FBLN1: variants seen among roughly 807,000 people sequenced by gnomAD.
FBLN1 encodes fibulin-1.
A neutral mutation model predicts 89.7 loss-of-function variants in FBLN1; 34 were observed. That is an observed-to-expected ratio of 0.38 (90% confidence interval 0.29 to 0.50). The LOEUF is 0.50. Ranked by LOEUF, FBLN1 falls within the 20% of genes least tolerant of loss-of-function variation. FBLN1 has a pLI of 0.92. For missense variants in FBLN1, 777 were observed against 988.1 expected, an observed-to-expected ratio of 0.79 and a Z score of 2.86; for synonymous variants, 393 against 391.3, an observed-to-expected ratio of 1.00 and a Z score of -0.05.
chr22:45,579,282 G>A lies in FBLN1; in HGVS notation c.1972+2174G>A, dbSNP rs948069817. 3.3e-5 allele frequency among the ~76,000 whole-genome samples: 5 copies of A among 152,256 alleles called. No individual in the cohort carries two copies. Among genetic ancestry groups the A allele is most frequent in the Non-Finnish European group, 5.9e-5 (4 of 68,034 alleles). ...CTAGAGACCATCCCTTCCTTCTTCC[G>A]TAGGAGGGGAAACTGAGGCCCGGAA... On this transcript the variant is annotated intron_variant, in intron 16 of 16. Transcript: ENST00000327858. The surrounding 1 kb of genome is among the most constrained non-coding windows in gnomAD (Gnocchi z 5.5).
intron 2 of FBLN1, among the ~76,000 whole-genome samples, chr22:45,522,564 G>A (rs2088265698): frequency 6.6e-6 from 1 of 152,174 alleles, no homozygotes; most frequent in African/African-American, 2.4e-5. Context: ...CGCAACCATG[G>A]GCTGTAGCCA....
rs556920568 is a variant in FBLN1, at chr22:45,581,213, G to C, written c.1972+4105G>C. 5.3e-5 allele frequency among the ~76,000 whole-genome samples: 8 copies of C among 152,138 alleles called. No individual in the cohort carries two copies. Among genetic ancestry groups the C allele is most frequent in the Non-Finnish European group, 8.8e-5 (6 of 68,018 alleles). On this transcript the variant is annotated intron_variant, in intron 16 of 16. Transcript: ENST00000327858. The surrounding 1 kb of genome is among the most constrained non-coding windows in gnomAD (Gnocchi z 7.6). ...GAAGAGAGAGACAGAAAGGCAACTC[G>C]AGGCCACCCGGGCTCCCCGGGCCCC...
In FBLN1 at chr22:45,531,587, G is replaced by A. The variant is rs185530378; in HGVS notation, c.544+263G>A. ...CTCGGTGCTGATCTCACTGGAAGTTGGAATCCAGGTTTTGCTTTGGTTTAC... is the reference window on the plus strand; with the variant it reads ...CTCGGTGCTGATCTCACTGGAAGTTAGAATCCAGGTTTTGCTTTGGTTTAC... On this transcript the variant is annotated intron_variant, in intron 5 of 16. Transcript: ENST00000327858. The surrounding 1 kb of genome is among the most constrained non-coding windows in gnomAD (Gnocchi z 4.9). Among the ~76,000 whole-genome samples the A allele has an allele frequency of 3.6e-3, 555 of 152,248 alleles. 11 individuals carry two copies. Among genetic ancestry groups the A allele is most frequent in the Admixed American group, 0.034 (518 of 15,290 alleles).
chr22:45,551,627 C>G (rs999540729), intron 14 of FBLN1, among the ~76,000 whole-genome samples: 2 of 152,256 alleles, frequency 1.3e-5, no homozygotes, highest in African/African-American at 4.8e-5. Flanking sequence ...TGCTTGAAAA[C>G]CCAACATCTT....
At chr22:45,596,584 A>G (rs940110707) in intron 16 of FBLN1, among the ~76,000 whole-genome samples, 1 of 149,792 alleles carries the variant, frequency 6.7e-6, no homozygotes, top group African/African-American at 2.4e-5. Context: ...ATATACATAT[A>G]TCAACATAAG....
chr22:45,555,080 G>C (rs1030629461), intron 14 of FBLN1, among the ~76,000 whole-genome samples: 1 of 146,588 alleles, frequency 6.8e-6, no homozygotes, highest in Non-Finnish European at 1.5e-5. Context: ...GTTAGGACCC[G>C]TCCCCGTCTC....
In FBLN1 at chr22:45,600,353, C is replaced by G. The variant is rs763958525; in HGVS notation, c.2019C>G (p.Val673=). 8.7e-6 allele frequency: 14 copies of G among 1,614,074 alleles called. No individual in the cohort carries two copies. In the South Asian group the frequency reaches 1.5e-4, roughly 18 times the overall value. Residue 673 remains valine, a synonymous_variant, in exon 17 of 17, where the codon GTC becomes GTG. Transcript: ENST00000327858. ...CCATCGTGGGCCCATTTCATGCCGT[C>G]CTGAAGCTGGAGATGAACTATGTGG... ...VRPIVGPFHA[V]LKLEMNYVVG...
intron 2 of FBLN1, among the ~76,000 whole-genome samples, chr22:45,524,842 C>T (rs919189354): frequency 5.9e-5 from 9 of 151,974 alleles, no homozygotes; most frequent in Non-Finnish European, 7.4e-5. Flanking sequence ...CCCAGCACTT[C>T]GGGAGGCTGA....
At chr22:45,518,459 G>C (rs2088200555) in intron 1 of FBLN1, 1 of 605,744 alleles carries the variant, frequency 1.7e-6, no homozygotes, top group Admixed American at 2.3e-5. Flanking sequence ...ATTCAGATGG[G>C]GGAGGATTCA....
intron 10 of FBLN1, among the ~76,000 whole-genome samples, chr22:45,542,669 G>A (rs2088572733): frequency 6.6e-6 from 1 of 152,218 alleles, no homozygotes; most frequent in African/African-American, 2.4e-5. Flanking sequence ...GGCAGCGAGG[G>A]GAAAAGTTGA....
At chr22:45,534,180 T>G (rs1298427716) in intron 7 of FBLN1, among the ~76,000 whole-genome samples, 2 of 149,402 alleles carry the variant, frequency 1.3e-5, no homozygotes, top group African/African-American at 4.9e-5. Context: ...AGATTTACGT[T>G]CTTATGGTGC....
chr22:45,542,135 C>T lies in FBLN1; in HGVS notation c.1067-20C>T. 6.2e-7 allele frequency: 1 copy of T among 1,614,162 alleles called. No individual in the cohort carries two copies. Among genetic ancestry groups the T allele is most frequent in the Non-Finnish European group, 8.5e-7 (1 of 1,180,040 alleles). ...CCCAAACTAAAGGTTTTCATCATGGCTTTCTTTCTCCTTTGCAAGATGTGG... is the reference window on the plus strand; with the variant it reads ...CCCAAACTAAAGGTTTTCATCATGGTTTTCTTTCTCCTTTGCAAGATGTGG... On this transcript the variant is annotated intron_variant, in intron 9 of 16. Transcript: ENST00000327858.
intron 16 of FBLN1, among the ~76,000 whole-genome samples, chr22:45,591,424 G>A (rs1321775499): frequency 6.6e-6 from 1 of 151,778 alleles, no homozygotes; most frequent in East Asian, 1.9e-4. Flanking sequence ...GGTGCACCCT[G>A]AAACGAAGAG....
intron 2 of FBLN1, among the ~76,000 whole-genome samples, chr22:45,519,144 C>T (rs542654705): frequency 3.3e-5 from 5 of 152,154 alleles, no homozygotes; most frequent in African/African-American, 9.6e-5. Context: ...AAGAGCTTTG[C>T]GAGTGGAAAC....
chr22:45,534,027 C>G, intron 7 of FBLN1, 129 bp downstream of exon 7: 2 of 1,291,022 alleles, frequency 1.5e-6, no homozygotes, highest in Non-Finnish European at 2.2e-6. Context: ...CGACTGCCTG[C>G]TCATCTGCAG....
Position 45,574,777 on chromosome 22 carries a change from CTTTTTTTTTTT to C in FBLN1, c.1840+136_1840+146del. 1 of 452,008 alleles carries C rather than the reference CTTTTTTTTTTT, an allele frequency of 2.2e-6. No individual in the cohort carries two copies. The highest frequency in any genetic ancestry group is 4.1e-5 in the East Asian group (1 of 24,362). The allele number at this position is 452,008 out of a possible 1,614,324, so 28.0% of individuals were successfully genotyped here. A position where few individuals can be genotyped will look rare whatever the true frequency, so the allele number is the denominator to read the frequency against. ...CCCAGGCTTTGAAATGCAGAACTTT[CTTTTTTTTTTT>C]TTTTTTTTTTTGAGACGGAGTCTCG... On this transcript the variant is annotated intron_variant, in intron 15 of 16. Transcript: ENST00000327858. This position sits in a 1 kb window ranked among gnomAD's most constrained non-coding sequence, Gnocchi z 4.1.
rs774718523 is a variant in FBLN1, at chr22:45,565,011, A to G, written c.1698-9500A>G. 5 of 1,613,190 alleles carry G rather than the reference A, an allele frequency of 3.1e-6. No homozygotes were observed. In the South Asian group the frequency reaches 5.5e-5, roughly 18 times the overall value. On this transcript the variant is annotated intron_variant, in intron 14 of 16. Coordinates refer to ENST00000327858, the MANE Select transcript of FBLN1 (RefSeq NM_006486.3). Reference sequence around the variant, plus strand: ...TGCCTAGTGAGGAAGATGGACCTGGACAGACAGTCAGCTCCACACCTTGCG... The same window carrying G: ...TGCCTAGTGAGGAAGATGGACCTGGGCAGACAGTCAGCTCCACACCTTGCG...
chr22:45,515,169 GGTGA>G (rs1250194583), intron 1 of FBLN1, among the ~76,000 whole-genome samples: 3 of 152,196 alleles, frequency 2.0e-5, no homozygotes, highest in Admixed American at 6.5e-5. Flanking sequence ...GCAATTGATT[GGTGA>G]GTGTTACAGT....
chr22:45,587,762 C>G (rs1480969261), intron 16 of FBLN1, among the ~76,000 whole-genome samples: 3 of 152,230 alleles, frequency 2.0e-5, no homozygotes, highest in Non-Finnish European at 2.9e-5. Flanking sequence ...TCTCTCCTCT[C>G]CTGGACTGTA....
Sources: gnomAD v4.1 joint callset for allele counts (sites outside exome capture counted in the v4.1 genomes callset) on GRCh38, gnomAD v4.1.1 for gene constraint, Gnocchi (gnomAD v3.1) non-coding constraint, MANE v1.5 for transcripts, NCBI Gene and HGNC (gene_info 2026-07-23, HGNC 2026-07-21) for gene names.